Variants in PDE11A observed in about 807,000 individuals in gnomAD.
PDE11A encodes phosphodiesterase 11A.
PDE11A carries 100 observed loss-of-function variants against 100.5 expected under a neutral mutation model. The ratio of observed to expected loss-of-function variants is 1.00; its 90% CI spans 0.85 to 1.18. The LOEUF is 1.18. Ranked by LOEUF, PDE11A falls within the 50% of genes most tolerant of loss-of-function variation. PDE11A has a pLI of 0.00. For synonymous variants in PDE11A, 381 were observed against 420.8 expected, an observed-to-expected ratio of 0.91 and a Z score of 1.16; for missense variants, 1,141 against 1,152.6, an observed-to-expected ratio of 0.99 and a Z score of 0.15.
At chr2:177,818,166 AT>A (rs1056686402) in intron 7 of PDE11A, among the ~76,000 whole-genome samples, 1 of 152,036 alleles carries the variant, frequency 6.6e-6, no homozygotes, top group African/African-American at 2.4e-5. Context: ...CAAGGCTTTA[AT>A]CTGATTCTAG....
chr2:178,007,378 A>G (rs1241023314), intron 2 of PDE11A, among the ~76,000 whole-genome samples: 1 of 152,220 alleles, frequency 6.6e-6, no homozygotes, highest in Non-Finnish European at 1.5e-5. Flanking sequence ...ATGGATTATG[A>G]TAAAGAAGAA....
chr2:177,794,095 T>C (rs2082671652), intron 9 of PDE11A, among the ~76,000 whole-genome samples: 1 of 151,614 alleles, frequency 6.6e-6, no homozygotes, highest in Non-Finnish European at 1.5e-5. Context: ...GAAAAGGTAG[T>C]GTATCAAGTG....
intron 1 of PDE11A, among the ~76,000 whole-genome samples, chr2:178,106,776 A>G (rs1226888471): frequency 6.6e-6 from 1 of 152,054 alleles, no homozygotes; most frequent in African/African-American, 2.4e-5. Flanking sequence ...CCTGGCCAAC[A>G]TGGTGAAACC....
intron 9 of PDE11A, among the ~76,000 whole-genome samples, chr2:177,796,448 G>A (rs1313152731): frequency 6.6e-6 from 1 of 152,162 alleles, no homozygotes. Context: ...ATGCACCTCT[G>A]CAGGGGCTGT....
At chr2:177,796,498 G>C (rs921744999) in intron 9 of PDE11A, among the ~76,000 whole-genome samples, 1 of 152,090 alleles carries the variant, frequency 6.6e-6, no homozygotes, top group East Asian at 1.9e-4. Flanking sequence ...ATAATGTAGG[G>C]CTCACACCTG....
At chr2:177,830,233 G>A (rs534725593) in intron 6 of PDE11A, among the ~76,000 whole-genome samples, 45 of 152,304 alleles carry the variant, frequency 3.0e-4, no homozygotes, top group African/African-American at 1.1e-3. Context: ...TTTCAGCCTT[G>A]TGAGACCCTG....
chr2:177,963,900 A>G (rs1003912493), intron 2 of PDE11A, among the ~76,000 whole-genome samples: 2 of 152,078 alleles, frequency 1.3e-5, no homozygotes, highest in African/African-American at 4.8e-5. Flanking sequence ...ACTCTGCTTT[A>G]CTCTGCCATG....
At chr2:178,042,295 C>G (rs2086692781) in intron 1 of PDE11A, among the ~76,000 whole-genome samples, 1 of 152,094 alleles carries the variant, frequency 6.6e-6, no homozygotes. Context: ...GCCTTGTCAA[C>G]ACATTGAGAC....
intron 10 of PDE11A, among the ~76,000 whole-genome samples, chr2:177,751,073 C>T (rs1471577212): frequency 1.3e-5 from 2 of 151,460 alleles, no homozygotes; most frequent in African/African-American, 4.9e-5. Flanking sequence ...ACAGAAGCCT[C>T]TCACTTATGC....
At chr2:178,028,879 A>G (rs1481608385) in intron 1 of PDE11A, among the ~76,000 whole-genome samples, 1 of 152,184 alleles carries the variant, frequency 6.6e-6, no homozygotes, top group East Asian at 1.9e-4. Context: ...ATGAGCAATC[A>G]ATTTAACCGA....
At chr2:177,673,068 T>C (rs3770010) in intron 17 of PDE11A, among the ~76,000 whole-genome samples, 87,853 of 152,100 alleles carry the variant, frequency 0.58, 29,779 homozygotes, top group Non-Finnish European at 0.72. Flanking sequence ...ATTTGCCACA[T>C]TTCTTTATTC....
At chr2:177,859,791 G>C (rs2083913770) in intron 5 of PDE11A, among the ~76,000 whole-genome samples, 3 of 151,768 alleles carry the variant, frequency 2.0e-5, no homozygotes, top group Non-Finnish European at 4.4e-5. Flanking sequence ...CAATGTGATA[G>C]AATTAGAAAG....
intron 9 of PDE11A, among the ~76,000 whole-genome samples, chr2:177,802,988 T>A (rs1157695366): frequency 1.3e-5 from 2 of 151,860 alleles, no homozygotes; most frequent in Non-Finnish European, 2.9e-5. Context: ...AAGTGCATAC[T>A]CCAATTCTTT....
chr2:177,954,730 C>T (rs1258450500), intron 2 of PDE11A, among the ~76,000 whole-genome samples: 1 of 152,160 alleles, frequency 6.6e-6, no homozygotes, highest in Non-Finnish European at 1.5e-5. Flanking sequence ...CCTGGCTACA[C>T]TTTAAAATTA....
At chr2:177,769,281 T>C in intron 10 of PDE11A, 42 bp downstream of exon 10, 1 of 1,207,256 alleles carries the variant, frequency 8.3e-7, no homozygotes, top group Non-Finnish European at 1.2e-6. Context: ...CCAGGAGAAG[T>C]TTAACTGTAT....
At chr2:177,802,016 A>G (rs2082801985) in intron 9 of PDE11A, among the ~76,000 whole-genome samples, 1 of 152,114 alleles carries the variant, frequency 6.6e-6, no homozygotes, top group Non-Finnish European at 1.5e-5. Context: ...CCAGTCAACA[A>G]TAAAAAGACA....
At chr2:177,907,111 T>C (rs377760064) in intron 2 of PDE11A, among the ~76,000 whole-genome samples, 1 of 152,032 alleles carries the variant, frequency 6.6e-6, no homozygotes, top group African/African-American at 2.4e-5. Context: ...TCATTTGTAA[T>C]TCCAATATTT....
chr2:178,091,128 T>C (rs886330478), intron 2 of PDE11A, among the ~76,000 whole-genome samples: 1 of 152,204 alleles, frequency 6.6e-6, no homozygotes, highest in African/African-American at 2.4e-5. Flanking sequence ...CTGAGTGTAG[T>C]GGCATAATCA....
intron 5 of PDE11A, 79 bp downstream of exon 5, chr2:177,875,780 A>C (rs1054916644): frequency 1.1e-6 from 1 of 899,570 alleles, no homozygotes; most frequent in African/African-American, 1.6e-5. Context: ...AACTACTACT[A>C]TCTTCTAAGA....
Sources: allele counts gnomAD v4.1 joint callset (sites outside exome capture counted in the v4.1 genomes callset), GRCh38; gene constraint gnomAD v4.1.1; transcripts MANE v1.5; gene names NCBI Gene and HGNC (gene_info 2026-07-23, HGNC 2026-07-21).